The following RNF220 variants were observed in gnomAD, a reference collection of about 807,000 sequenced individuals.
RNF220 encodes ring finger protein 220, also known as E3 ubiquitin-protein ligase RNF220.
A neutral mutation model predicts 67.1 loss-of-function variants in RNF220; 7 were observed. The ratio of observed to expected loss-of-function variants is 0.10; its 90% CI spans 0.06 to 0.20. RNF220 has a LOEUF of 0.20. Ranked by LOEUF, RNF220 falls within the 10% of genes least tolerant of loss-of-function variation. The pLI, the probability that RNF220 is intolerant of heterozygous loss-of-function variation, is 1.00. For synonymous variants in RNF220, 270 were observed against 283.2 expected, an observed-to-expected ratio of 0.95 and a Z score of 0.47; for missense variants, 565 against 740.3, an observed-to-expected ratio of 0.76 and a Z score of 2.75.
At chr1:44,474,898 GTT>G (rs1408793523) in intron 2 of RNF220, among the ~76,000 whole-genome samples, 2 of 152,170 alleles carry the variant, frequency 1.3e-5, no homozygotes, top group Non-Finnish European at 2.9e-5. Context: ...GCATCCAAGT[GTT>G]TTGGTGTCTG....
At chr1:44,635,121 A>C (rs1242168050) in intron 6 of RNF220, 1 of 158,640 alleles carries the variant, frequency 6.3e-6, no homozygotes, top group South Asian at 2.0e-4. Context: ...CAGCAGGCCA[A>C]GTCAGGCCAT....
At chr1:44,433,639 C>T (rs768625577) in intron 2 of RNF220, among the ~76,000 whole-genome samples, 1 of 152,090 alleles carries the variant, frequency 6.6e-6, no homozygotes, top group Non-Finnish European at 1.5e-5. Flanking sequence ...TTTTAGTTTG[C>T]CCAGTAAATA....
At chr1:44,598,451 T>C (rs1184049783) in intron 2 of RNF220, among the ~76,000 whole-genome samples, 6 of 151,926 alleles carry the variant, frequency 3.9e-5, no homozygotes, top group African/African-American at 7.3e-5. Context: ...TTCAAATAAA[T>C]CTCCTCCAGT....
intron 6 of RNF220, 157 bp downstream of exon 6, chr1:44,632,542 C>G (rs1416378148): frequency 5.6e-6 from 4 of 718,036 alleles, no homozygotes; most frequent in Non-Finnish European, 9.6e-6. Context: ...CCAAAGCTGC[C>G]GCTCTCAGTT....
At position 44,651,047 on chromosome 1, in the gene RNF220, G is replaced by A; in HGVS notation, c.*272G>A. 2.0e-6 allele frequency: 1 copy of A among 489,982 alleles called. No homozygotes were observed. 30.4% of individuals were successfully genotyped at this position (489,982 alleles called of 1,614,324 possible). A position where few individuals can be genotyped will look rare whatever the true frequency, so the allele number is the denominator to read the frequency against. ...TGTTCCCAGGGTGGGGCAGGGAGGT[G>A]GGGGTTGGGGGAGTAGTGGGGCACG... On this transcript the variant is annotated 3_prime_UTR_variant, in exon 15 of 15. Transcript: ENST00000361799.
chr1:44,585,906 A>T (rs938427996), intron 2 of RNF220, among the ~76,000 whole-genome samples: 2 of 151,942 alleles, frequency 1.3e-5, no homozygotes, highest in Non-Finnish European at 2.9e-5. Flanking sequence ...CTAACATTAT[A>T]CCCTGGCAAG....
intron 2 of RNF220, among the ~76,000 whole-genome samples, chr1:44,469,863 A>G (rs1184426400): frequency 1.3e-5 from 2 of 152,204 alleles, no homozygotes; most frequent in Admixed American, 6.5e-5. Flanking sequence ...CACTAGGTTG[A>G]AAAAGACTGA....
At chr1:44,632,732 C>G in intron 6 of RNF220, 1 of 396,438 alleles carries the variant, frequency 2.5e-6, no homozygotes, top group Non-Finnish European at 4.7e-6. Flanking sequence ...ACCTGCAGGG[C>G]GCTGAGAATG....
intron 2 of RNF220, among the ~76,000 whole-genome samples, chr1:44,549,840 C>A (rs1421158143): frequency 2.0e-5 from 3 of 152,228 alleles, no homozygotes; most frequent in African/African-American, 7.2e-5. Flanking sequence ...ACAGACCCAC[C>A]TTCGCCCTGA....
intron 2 of RNF220, among the ~76,000 whole-genome samples, chr1:44,556,409 A>G (rs977635655): frequency 1.3e-5 from 2 of 150,600 alleles, no homozygotes; most frequent in African/African-American, 5.0e-5. Context: ...CATGCTCCCT[A>G]GTCAATTAAT....
intron 2 of RNF220, among the ~76,000 whole-genome samples, chr1:44,527,522 C>T (rs1660469597): frequency 2.0e-5 from 3 of 151,968 alleles, no homozygotes; most frequent in South Asian, 2.1e-4. Context: ...ACTCGAGATG[C>T]GGAGATGAGA....
rs145673744 is a variant in RNF220 at position 44,497,105 on chromosome 1, A to G, written c.625+84383A>G. ...TGGCCAGTTCTGCCATTTTCCCTAG[A>G]TGCTAAGCAACGGTTACACTAGTGT... On this transcript the variant is annotated intron_variant, in intron 2 of 14. Transcript: ENST00000361799. Among the ~76,000 whole-genome samples the G allele has an allele frequency of 8.5e-4, 130 of 152,210 alleles. 1 individual carries two copies. In the East Asian group the frequency reaches 0.024, roughly 29 times the overall value.
At chr1:44,423,437 G>A (rs2147842724) in intron 2 of RNF220, among the ~76,000 whole-genome samples, 1 of 152,270 alleles carries the variant, frequency 6.6e-6, no homozygotes, top group East Asian at 1.9e-4. Flanking sequence ...GTGCTTATGT[G>A]GCTCTGAGGC....
At chr1:44,567,310 C>A (rs916552335) in intron 2 of RNF220, among the ~76,000 whole-genome samples, 1 of 152,048 alleles carries the variant, frequency 6.6e-6, no homozygotes, top group Non-Finnish European at 1.5e-5. Context: ...GGGATTAGAA[C>A]ATAGCAAGAG....
intron 2 of RNF220, among the ~76,000 whole-genome samples, chr1:44,443,297 C>G (rs1222687770): frequency 6.6e-6 from 1 of 151,772 alleles, no homozygotes; most frequent in Non-Finnish European, 1.5e-5. Context: ...CCTCCATTAC[C>G]TCACCCCTTA....
chr1:44,452,215 A>C (rs1258418510), intron 2 of RNF220, among the ~76,000 whole-genome samples: 1 of 152,150 alleles, frequency 6.6e-6, no homozygotes, highest in Non-Finnish European at 1.5e-5. Context: ...GTGTGCAAAC[A>C]CCACACTGTT....
chr1:44,476,426 G>A (rs1330579045), intron 2 of RNF220, among the ~76,000 whole-genome samples: 1 of 152,180 alleles, frequency 6.6e-6, no homozygotes, highest in Non-Finnish European at 1.5e-5. Context: ...TTGACTTGAA[G>A]AAATTTAGAG....
rs140083744 is a variant in RNF220 at position 44,615,610 on chromosome 1, T to G, written c.758+1313T>G. ...TCAGAATGGTCCCTGCCCTTGGAAG[T>G]TCATAGCATGAGGGTAGGGAGGGTC... On this transcript the variant is annotated intron_variant, in intron 3 of 14. Coordinates refer to ENST00000361799, the MANE Select transcript of RNF220 (RefSeq NM_018150.4). Among the ~76,000 whole-genome samples the G allele has an allele frequency of 1.4e-3, 219 of 152,112 alleles. 2 individuals carry two copies. The highest frequency in any genetic ancestry group is 4.9e-3 in the African/African-American group (205 of 41,482).
intron 1 of RNF220, among the ~76,000 whole-genome samples, chr1:44,409,360 C>T (rs1647741533): frequency 6.6e-6 from 1 of 152,222 alleles, no homozygotes; most frequent in South Asian, 2.1e-4. Context: ...GTTAATTCAA[C>T]AAAGACTTTT....
Sources: allele counts gnomAD v4.1 joint callset (sites outside exome capture counted in the v4.1 genomes callset), GRCh38; gene constraint gnomAD v4.1.1; transcripts MANE v1.5; gene names NCBI Gene and HGNC (gene_info 2026-07-23, HGNC 2026-07-21).